The following ANK3 variants were observed in gnomAD, a reference collection of about 807,000 sequenced individuals.
The protein encoded by ANK3 is ankyrin-3.
In ANK3, 57 loss-of-function variants were observed where a neutral mutation model predicts 370.9. The ratio of observed to expected loss-of-function variants is 0.15; its 90% CI spans 0.12 to 0.19. ANK3 has a LOEUF of 0.19. Among genes scored for constraint, ANK3 ranks in the 10% least tolerant of loss-of-function variants. ANK3 has a pLI of 1.00. For missense variants in ANK3, 4,439 were observed against 5,302.1 expected (o/e 0.84, Z 5.06); for synonymous variants, 1,929 against 1,946.3 (o/e 0.99, Z 0.23).
intron 2 of ANK3, among the ~76,000 whole-genome samples, chr10:60,501,478 G>A (rs2075794675): frequency 6.6e-6 from 1 of 152,142 alleles, no homozygotes; most frequent in African/African-American, 2.4e-5. Flanking sequence ...GCCGAGGCAG[G>A]CAGATCACTT....
At chr10:60,670,871 G>A (rs1429398421) in intron 1 of ANK3, among the ~76,000 whole-genome samples, 1 of 152,210 alleles carries the variant, frequency 6.6e-6, no homozygotes, top group Non-Finnish European at 1.5e-5. Context: ...GATCAGTTGG[G>A]AGAAGTCCCT....
At position 60,601,844 on chromosome 10, in the gene ANK3, G is replaced by A. The variant is rs971942937; in HGVS notation, c.96+13342C>T. On this transcript the variant is annotated intron_variant, in intron 2 of 43. Transcript: ENST00000373827. Reference sequence around the variant, plus strand: ...TCTGTACTGCTTTTACAACTTTTCAGTAAGGTTGAAATTATTCTGAAAGAC... The same window carrying A: ...TCTGTACTGCTTTTACAACTTTTCAATAAGGTTGAAATTATTCTGAAAGAC... 3.9e-5 allele frequency among the ~76,000 whole-genome samples: 6 copies of A among 152,232 alleles called. No homozygotes were observed. In the Middle Eastern group the frequency reaches 0.01, roughly 259 times the overall value.
At chr10:60,163,896 T>C (rs2095557922) in intron 23 of ANK3, among the ~76,000 whole-genome samples, 1 of 152,202 alleles carries the variant, frequency 6.6e-6, no homozygotes, top group African/African-American at 2.4e-5. Context: ...GGGATACCAA[T>C]GTGATGATCT....
intron 25 of ANK3, among the ~76,000 whole-genome samples, chr10:60,123,482 C>G (rs1239348173): frequency 6.6e-6 from 1 of 152,084 alleles, no homozygotes; most frequent in Non-Finnish European, 1.5e-5. Context: ...AGGAAAGAGG[C>G]AGGGTCAAGA....
chr10:60,458,665 G>A (rs1052891254), intron 2 of ANK3, among the ~76,000 whole-genome samples: 1 of 152,098 alleles, frequency 6.6e-6, no homozygotes, highest in Non-Finnish European at 1.5e-5. Flanking sequence ...GAGAGAAAGG[G>A]AAACAGAAAA....
chr10:60,685,444 T>C (rs1328750221), intron 1 of ANK3, among the ~76,000 whole-genome samples: 1 of 152,134 alleles, frequency 6.6e-6, no homozygotes, highest in African/African-American at 2.4e-5. Flanking sequence ...CCTCAGTTAT[T>C]AGAAAATGCT....
At chr10:60,092,144 A>G (rs1017638711) in intron 28 of ANK3, among the ~76,000 whole-genome samples, 7 of 152,288 alleles carry the variant, frequency 4.6e-5, no homozygotes, top group African/African-American at 1.7e-4. Flanking sequence ...GAGGGTAGGG[A>G]ACAGGGAGTA....
chr10:60,056,152 A>G, intron 41 of ANK3, 116 bp from the exon 42 acceptor site: 1 of 1,195,994 alleles, frequency 8.4e-7, no homozygotes. Flanking sequence ...ATAAAATAGA[A>G]AAGTGTGAAA....
chr10:60,590,759 T>C (rs145079132), intron 2 of ANK3, among the ~76,000 whole-genome samples: 1 of 152,368 alleles, frequency 6.6e-6, no homozygotes, highest in African/African-American at 2.4e-5. Flanking sequence ...TGTTCCTGCA[T>C]ACTTTAAATC....
intron 1 of ANK3, chr10:60,300,554 G>T (rs2043475781): frequency 8.3e-7 from 1 of 1,198,236 alleles, no homozygotes; most frequent in Non-Finnish European, 1.1e-6. Flanking sequence ...AATCCGCCTG[G>T]GCCCTTATAA....
chr10:60,196,704 C>T, intron 14 of ANK3, 79 bp from the exon 15 acceptor site: 2 of 869,976 alleles, frequency 2.3e-6, no homozygotes, highest in Middle Eastern at 2.7e-4. Context: ...AACCAAACAA[C>T]AAACAAACAA....
intron 28 of ANK3, among the ~76,000 whole-genome samples, chr10:60,099,594 T>G (rs911417643): frequency 1.3e-5 from 2 of 152,194 alleles, no homozygotes; most frequent in African/African-American, 2.4e-5. Flanking sequence ...TTACATTTGT[T>G]TACTTTTCCA....
intron 2 of ANK3, among the ~76,000 whole-genome samples, chr10:60,508,810 TA>T (rs1340905572): frequency 6.6e-6 from 1 of 152,178 alleles, no homozygotes; most frequent in Non-Finnish European, 1.5e-5. Flanking sequence ...CTACAATCTA[TA>T]AATTCTTTGA....
At chr10:60,321,255 GC>G (rs1158308656) in intron 1 of ANK3, among the ~76,000 whole-genome samples, 1 of 151,964 alleles carries the variant, frequency 6.6e-6, no homozygotes, top group East Asian at 1.9e-4. Flanking sequence ...AGCGTTGGTG[GC>G]ACACATCTGT....
At chr10:60,649,514 G>T (rs2078759171) in intron 1 of ANK3, among the ~76,000 whole-genome samples, 1 of 152,018 alleles carries the variant, frequency 6.6e-6, no homozygotes, top group Non-Finnish European at 1.5e-5. Context: ...TCAGTGAATT[G>T]CTTCAAAAAT....
At position 60,042,712 on chromosome 10, in the gene ANK3, C is replaced by T; in HGVS notation, c.13113G>A (p.Val4371=). 6.2e-7 allele frequency: 1 copy of T among 1,613,924 alleles called. No homozygotes were observed. The highest frequency in any genetic ancestry group is 8.5e-7 in the Non-Finnish European group (1 of 1,179,974). ...GCTGTTACGAGTGGCTCTTCTTTTC[C>T]ACATGCCGGATTTCTTTCTTCGTTT... ...KVKTKKEIRH[V]EKKSHS The change falls in exon 43 of 44, where the codon GTG becomes GTA. Residue 4371 remains valine, a synonymous_variant. Transcript: ENST00000280772.
chr10:60,724,209 C>CAA (rs398013720), intron 1 of ANK3, among the ~76,000 whole-genome samples: 672 of 54,068 alleles, frequency 0.012, 14 homozygotes, highest in African/African-American at 0.032. Flanking sequence ...GACTCCGTCT[C>CAA]AAAAAAAAAA....
intron 25 of ANK3, among the ~76,000 whole-genome samples, chr10:60,116,895 T>C (rs569472738): frequency 6.6e-6 from 1 of 152,262 alleles, no homozygotes; most frequent in South Asian, 2.1e-4. Context: ...ACACTATGAA[T>C]ACAGAACCCA....
At chr10:60,646,425 T>G (rs2133356994) in intron 1 of ANK3, among the ~76,000 whole-genome samples, 1 of 152,262 alleles carries the variant, frequency 6.6e-6, no homozygotes, top group South Asian at 2.1e-4. Context: ...AAAAGACAAC[T>G]GCAGTCTGGA....
Sources: allele counts gnomAD v4.1 joint callset (sites outside exome capture counted in the v4.1 genomes callset), GRCh38; gene constraint gnomAD v4.1.1; transcripts MANE v1.5; gene names NCBI Gene and HGNC (gene_info 2026-07-23, HGNC 2026-07-21).